The following MARCHF6 variants were observed in gnomAD, a reference collection of about 807,000 sequenced individuals.
The protein encoded by MARCHF6 is membrane associated ring-CH-type finger 6.
MARCHF6 carries 31 observed loss-of-function variants against 133.7 expected under a neutral mutation model. The observed-to-expected ratio is 0.23, with a 90% CI of 0.17 to 0.31. The LOEUF is 0.31. Among genes scored for constraint, MARCHF6 ranks in the 10% least tolerant of loss-of-function variants. The pLI is 1.00. For missense variants in MARCHF6, 723 were observed against 1,121.6 expected, an observed-to-expected ratio of 0.64 and a Z score of 5.08; for synonymous variants, 395 against 402.5, an observed-to-expected ratio of 0.98 and a Z score of 0.22.
chr5:10,379,460 CT>C (rs11362340), intron 3 of MARCHF6, among the ~76,000 whole-genome samples: 119,176 of 144,658 alleles, frequency 0.82, 49,963 homozygotes, highest in Non-Finnish European at 0.89. Context: ...AAAGATAAAG[CT>C]TTTTTTTTTT....
intron 1 of MARCHF6, among the ~76,000 whole-genome samples, chr5:10,372,475 T>A (rs1232738402): frequency 1.3e-5 from 2 of 152,090 alleles, no homozygotes; most frequent in Non-Finnish European, 2.9e-5. Flanking sequence ...TTTTAAAGAG[T>A]TATTAATACT....
At chr5:10,368,852 C>T (rs1736290307) in intron 1 of MARCHF6, among the ~76,000 whole-genome samples, 1 of 152,006 alleles carries the variant, frequency 6.6e-6, no homozygotes, top group Non-Finnish European at 1.5e-5. Flanking sequence ...GGATTACAGG[C>T]GTGAGCCACC....
intron 1 of MARCHF6, among the ~76,000 whole-genome samples, chr5:10,372,400 C>T (rs1212837813): frequency 6.6e-6 from 1 of 152,086 alleles, no homozygotes; most frequent in African/African-American, 2.4e-5. Context: ...GATCATTAAT[C>T]CATTCATTAG....
chr5:10,392,052 G>T (rs1737885820), intron 7 of MARCHF6, among the ~76,000 whole-genome samples: 1 of 150,604 alleles, frequency 6.6e-6, no homozygotes, highest in Non-Finnish European at 1.5e-5. Flanking sequence ...TCCGCCTCCT[G>T]GGTTCACGCC....
chr5:10,355,573 C>G (rs1021663404), intron 1 of MARCHF6, among the ~76,000 whole-genome samples: 1 of 152,212 alleles, frequency 6.6e-6, no homozygotes, highest in Admixed American at 6.5e-5. Context: ...AAATTATAAT[C>G]AGGATAAGGT....
chr5:10,418,160 C>T (rs550000361), intron 22 of MARCHF6, among the ~76,000 whole-genome samples: 3 of 152,258 alleles, frequency 2.0e-5, no homozygotes, highest in African/African-American at 7.2e-5. Context: ...GGGTGGATCA[C>T]CTGAGCTCAG....
chr5:10,423,946 C>T, intron 23 of MARCHF6, 122 bp downstream of exon 23: 1 of 526,838 alleles, frequency 1.9e-6, no homozygotes, highest in Non-Finnish European at 3.2e-6. Context: ...TTTTGATGGG[C>T]ATATATAACC....
chr5:10,390,423 A>G lies in MARCHF6; in HGVS notation c.499A>G (p.Ile167Val), dbSNP rs1737753986. Residue 167 changes from isoleucine to valine, a missense_variant, in exon 6 of 26, where the codon ATA (isoleucine) becomes GTA (valine). Around this residue, in one of 4 missense-constraint regions of MARCHF6, gnomAD observed 91 missense variants for 208.8 expected, o/e 0.44. Coordinates refer to ENST00000274140, the MANE Select transcript of MARCHF6 (RefSeq NM_005885.4). ...CAGCCTGGTGTGGTTGAGAGAGCAG[A>G]TAGTCCATGGGGGAGCACCAATTTG... ...FISLVWLREQIVHGGAPIWLE... is the reference protein window; with the variant it reads ...FISLVWLREQVVHGGAPIWLE... 5.6e-6 allele frequency: 9 copies of G among 1,613,972 alleles called. No homozygotes were observed. The highest frequency in any genetic ancestry group is 2.7e-5 in the African/African-American group (2 of 74,894).
Position 10,426,429 on chromosome 5 carries a change from A to G in MARCHF6, c.2413A>G (p.Ile805Val), listed in dbSNP as rs757133076. The G allele has an allele frequency of 5.0e-6, 8 of 1,614,032 alleles. No homozygotes were observed. The highest frequency in any genetic ancestry group is 1.1e-5 in the South Asian group (1 of 91,068). ...CATCCGGAACATTGACCTTCACTAT[A>G]TTGTTCGTAAACTGGCAGCTCCCGT... ...NGIRNIDLHY[I>V]VRKLAAPVIS... The change falls in exon 24 of 26, where the codon ATT becomes GTT. Residue 805 changes from isoleucine (I) to valine (V), a missense_variant. This residue lies in a region of MARCHF6 where 492 missense variants were observed against 699.5 expected (regional missense o/e 0.70). Transcript: ENST00000274140.
intron 7 of MARCHF6, 90 bp from the exon 8 acceptor site, chr5:10,393,992 C>G (rs2126738779): frequency 1.5e-6 from 1 of 686,852 alleles, no homozygotes. Context: ...TTACAAAGTA[C>G]TAAATTTTAC....
At chr5:10,418,681 G>T (rs561235641) in intron 22 of MARCHF6, among the ~76,000 whole-genome samples, 9 of 152,276 alleles carry the variant, frequency 5.9e-5, no homozygotes, top group Admixed American at 5.2e-4. Context: ...TCCAGATGGA[G>T]AACCTCCACA....
chr5:10,367,444 A>G (rs1180756752), intron 1 of MARCHF6, among the ~76,000 whole-genome samples: 1 of 152,240 alleles, frequency 6.6e-6, no homozygotes, highest in African/African-American at 2.4e-5. Context: ...AAAGTCTGTT[A>G]GTAATAAAAA....
chr5:10,394,961 G>A (rs1048562601), intron 9 of MARCHF6, among the ~76,000 whole-genome samples, 176 bp downstream of exon 9: 2 of 152,070 alleles, frequency 1.3e-5, no homozygotes, highest in East Asian at 1.9e-4. Flanking sequence ...CACCATGCCC[G>A]GCTAATTTTT....
chr5:10,379,989 A>C (rs1025049564), intron 3 of MARCHF6, among the ~76,000 whole-genome samples: 1 of 152,152 alleles, frequency 6.6e-6, no homozygotes, highest in East Asian at 1.9e-4. Flanking sequence ...ATATTTTTGC[A>C]GCCTTTAAGG....
At position 10,434,374 on chromosome 5, in the gene MARCHF6, ATAATT is replaced by A. The variant is rs1416760323; in HGVS notation, c.*695_*699del. 1 of 152,524 alleles carries A rather than the reference ATAATT, an allele frequency of 6.6e-6. No individual in the cohort carries two copies. Among genetic ancestry groups the A allele is most frequent in the African/African-American group, 2.4e-5 (1 of 41,372 alleles). The allele number at this position is 152,524 out of a possible 1,614,324, so 9.4% of individuals were successfully genotyped here. A position where few individuals can be genotyped will look rare whatever the true frequency, so the allele number is the denominator to read the frequency against. On this transcript the variant is annotated 3_prime_UTR_variant, in exon 26 of 26. Coordinates refer to ENST00000274140, the MANE Select transcript of MARCHF6 (RefSeq NM_005885.4). ...GGTGAGGAAATTATTTTTAATTTTG[ATAATT>A]TAATATTCCTAGTGTGATCAGCATT...
At chr5:10,414,713 A>C (rs1198833728) in intron 20 of MARCHF6, among the ~76,000 whole-genome samples, 1 of 152,214 alleles carries the variant, frequency 6.6e-6, no homozygotes, top group African/African-American at 2.4e-5. Context: ...CCATATTAGG[A>C]AGACAATCTG....
chr5:10,408,054 A>G (rs549449755), intron 17 of MARCHF6, among the ~76,000 whole-genome samples: 25 of 150,418 alleles, frequency 1.7e-4, no homozygotes, highest in African/African-American at 6.1e-4. Context: ...TTATCCCCAC[A>G]GTCATTATCC....
chr5:10,430,757 C>G (rs1223764928), intron 25 of MARCHF6, among the ~76,000 whole-genome samples: 1 of 152,332 alleles, frequency 6.6e-6, no homozygotes, highest in Admixed American at 6.5e-5. Flanking sequence ...TAGAGGGCCA[C>G]TAGGTTACTC....
intron 24 of MARCHF6, among the ~76,000 whole-genome samples, chr5:10,428,331 GTTTTTTTTT>G (rs10604024): frequency 1.3e-5 from 1 of 75,790 alleles, no homozygotes; most frequent in East Asian, 4.2e-4. Flanking sequence ...TTGCTTTTTA[GTTTTTTTTT>G]TTTTTTTTTT....
Sources: gnomAD v4.1 joint callset for allele counts (sites outside exome capture counted in the v4.1 genomes callset) on GRCh38, gnomAD v4.1.1 for gene constraint, gnomAD v4.1.1 regional missense constraint, MANE v1.5 for transcripts, NCBI Gene and HGNC (gene_info 2026-07-23, HGNC 2026-07-21) for gene names.